STAU2: variants seen among roughly 807,000 people sequenced by gnomAD.
STAU2 encodes double-stranded RNA-binding protein Staufen homolog 2.
In STAU2, 20 loss-of-function variants were observed where a neutral mutation model predicts 65.9. That is an observed-to-expected ratio of 0.30 (90% CI 0.21 to 0.44). STAU2 has a LOEUF of 0.44. STAU2 is among the 20% of genes least tolerant of loss of function. The pLI is 1.00. For synonymous variants in STAU2, 232 were observed against 233.9 expected, an observed-to-expected ratio of 0.99 and a Z score of 0.07; for missense variants, 558 against 683.9, an observed-to-expected ratio of 0.82 and a Z score of 2.05.
At chr8:73,439,007 T>A (rs905678969) in intron 13 of STAU2, 5 of 456,632 alleles carry the variant, frequency 1.1e-5, no homozygotes, top group Non-Finnish European at 2.2e-5. Flanking sequence ...AACGTCTCCG[T>A]TTAGAAGACT....
At chr8:73,560,175 G>A (rs1808115067) in intron 12 of STAU2, among the ~76,000 whole-genome samples, 2 of 150,984 alleles carry the variant, frequency 1.3e-5, no homozygotes, top group African/African-American at 4.9e-5. Context: ...CTGCCTCCCG[G>A]GTTCACGCCA....
At chr8:73,690,328 C>CAAAAAAAAAAAAAAA (rs56744849) in intron 4 of STAU2, among the ~76,000 whole-genome samples, 3 of 58,250 alleles carry the variant, frequency 5.2e-5, no homozygotes, top group Admixed American at 2.0e-4. Flanking sequence ...GACTCTGTCT[C>CAAAAAAAAAAAAAAA]AAAAAAAAAA....
At chr8:73,572,026 C>A (rs965883064) in intron 12 of STAU2, among the ~76,000 whole-genome samples, 9 of 151,830 alleles carry the variant, frequency 5.9e-5, no homozygotes, top group Admixed American at 3.3e-4. Flanking sequence ...GATGAAAAGA[C>A]AGAAGAATCA....
At chr8:73,519,814 G>C (rs2128927976) in intron 13 of STAU2, among the ~76,000 whole-genome samples, 1 of 152,334 alleles carries the variant, frequency 6.6e-6, no homozygotes, top group South Asian at 2.1e-4. Flanking sequence ...AGGTGAGCAA[G>C]ACTCTGCCCT....
rs1302196243 is a variant in STAU2 at position 73,468,124 on chromosome 8, A to G, written c.1531-45422T>C. Among the ~76,000 whole-genome samples the G allele has an allele frequency of 2.0e-5, 3 of 152,234 alleles. No homozygotes were observed. In the East Asian group the frequency reaches 5.8e-4, roughly 29 times the overall value. On this transcript the variant is annotated intron_variant, in intron 13 of 14. Transcript: ENST00000524300. ...CAAAACAGAGATATAGACCAATGGA[A>G]CAGAACAGAGCCCTCAGAAATAATA...
At chr8:73,627,142 C>G (rs886555189) in intron 6 of STAU2, among the ~76,000 whole-genome samples, 2 of 144,256 alleles carry the variant, frequency 1.4e-5, no homozygotes, top group African/African-American at 5.2e-5. Flanking sequence ...GCAGGCCTGT[C>G]TGAGAGGTAA....
chr8:73,733,882 T>C (rs898481082), intron 3 of STAU2, among the ~76,000 whole-genome samples: 4 of 152,182 alleles, frequency 2.6e-5, no homozygotes. Flanking sequence ...AAAATCCACA[T>C]ACATCTTTGA....
At chr8:73,444,011 T>C (rs528207085) in intron 13 of STAU2, among the ~76,000 whole-genome samples, 5 of 152,290 alleles carry the variant, frequency 3.3e-5, no homozygotes, top group African/African-American at 1.2e-4. Flanking sequence ...ACTCCTTCCA[T>C]GTTGTGACTC....
chr8:73,473,456 G>A lies in STAU2; in HGVS notation c.1531-50754C>T, dbSNP rs1430225086. ...TCCTATCCAAGTTTATGTGGTCTTA[G>A]TCACATGGCCTGAATATGGGACAAA... is the stretch of plus-strand genomic sequence containing the variant. On this transcript the variant is annotated intron_variant, in intron 13 of 14. Transcript: ENST00000524300. 5.9e-5 allele frequency among the ~76,000 whole-genome samples: 9 copies of A among 152,200 alleles called. No individual in the cohort carries two copies. The South Asian group carries it at 1.7e-3, about 28-fold the overall frequency.
intron 9 of STAU2, among the ~76,000 whole-genome samples, chr8:73,604,953 A>C (rs1344074103): frequency 6.6e-6 from 1 of 152,182 alleles, no homozygotes; most frequent in Non-Finnish European, 1.5e-5. Flanking sequence ...ACAGTAGCTC[A>C]TATGTACAGG....
intron 13 of STAU2, chr8:73,441,385 CA>C (rs1194782345): frequency 6.6e-6 from 1 of 151,820 alleles, no homozygotes; most frequent in Non-Finnish European, 1.5e-5. Flanking sequence ...ACTAAAAATA[CA>C]AAAATTTGCC....
intron 6 of STAU2, among the ~76,000 whole-genome samples, chr8:73,639,613 C>T (rs548761102): frequency 6.6e-6 from 1 of 152,180 alleles, no homozygotes; most frequent in South Asian, 2.1e-4. Context: ...ACAACTGAAA[C>T]TAAAAATTAC....
At chr8:73,463,907 T>C (rs1463364702) in intron 13 of STAU2, among the ~76,000 whole-genome samples, 3 of 152,202 alleles carry the variant, frequency 2.0e-5, no homozygotes, top group Non-Finnish European at 2.9e-5. Context: ...TCACCTTGTG[T>C]GTACTGAGAA....
intron 5 of STAU2, among the ~76,000 whole-genome samples, chr8:73,683,482 A>G (rs976813954): frequency 1.3e-5 from 2 of 152,194 alleles, no homozygotes; most frequent in African/African-American, 4.8e-5. Context: ...AGCATCTATA[A>G]CAAACCCATA....
chr8:73,479,710 T>C (rs62508175), intron 13 of STAU2, among the ~76,000 whole-genome samples: 1 of 63,132 alleles, frequency 1.6e-5, no homozygotes, highest in Non-Finnish European at 2.9e-5. Context: ...CACTTAAATA[T>C]ACGTGTGTGT....
chr8:73,562,878 A>C (rs567438087), intron 12 of STAU2, among the ~76,000 whole-genome samples: 1 of 152,132 alleles, frequency 6.6e-6, no homozygotes, highest in Non-Finnish European at 1.5e-5. Flanking sequence ...TGGAAGGCTA[A>C]GGCAAAAGGG....
At chr8:73,613,978 T>C in intron 8 of STAU2, 22 bp from the exon 9 acceptor site, 1 of 1,545,632 alleles carries the variant, frequency 6.5e-7, no homozygotes, top group East Asian at 2.3e-5. Flanking sequence ...AAGTAAAATA[T>C]TAAATAATGG....
In STAU2 at chr8:73,661,032, C is replaced by T. The variant is rs189671687; in HGVS notation, c.410+12075G>A. The stretch of plus-strand genomic sequence containing the variant: ...ACTACAGTAAAGTAAGGTAAAGGGT[C>T]ATGCATGGTCACTGAATTACTTTAT... On this transcript the variant is annotated intron_variant, in intron 6 of 14. Transcript: ENST00000524300. Among the ~76,000 whole-genome samples, 103 of 152,192 alleles carry T rather than the reference C, an allele frequency of 6.8e-4. 1 individual carries two copies. Among genetic ancestry groups the T allele is most frequent in the African/African-American group, 2.2e-3 (90 of 41,528 alleles).
chr8:73,726,003 G>T (rs1805592655), intron 3 of STAU2, among the ~76,000 whole-genome samples: 2 of 143,810 alleles, frequency 1.4e-5, no homozygotes, highest in South Asian at 4.5e-4. Flanking sequence ...GATGTGCGTG[G>T]TTAGGTTTTT....
Sources: allele counts gnomAD v4.1 joint callset (sites outside exome capture counted in the v4.1 genomes callset), GRCh38; gene constraint gnomAD v4.1.1; transcripts MANE v1.5; gene names NCBI Gene and HGNC (gene_info 2026-07-23, HGNC 2026-07-21).